DHTKD1: variants seen among roughly 807,000 people sequenced by gnomAD.
DHTKD1 encodes 2-oxoadipate dehydrogenase complex component E1.
A neutral mutation model predicts 101.8 loss-of-function variants in DHTKD1; 78 were observed. The ratio of observed to expected loss-of-function variants is 0.77; its 90% CI spans 0.64 to 0.93. DHTKD1 has a LOEUF of 0.93. Ranked by LOEUF, DHTKD1 falls within the 40% of genes least tolerant of loss-of-function variation. The pLI, the probability that DHTKD1 is intolerant of heterozygous loss-of-function variation, is 0.00. For missense variants in DHTKD1, 1,223 were observed against 1,161.7 expected (o/e 1.05, Z -0.77); for synonymous variants, 462 against 450.3 (o/e 1.03, Z -0.33).
At chr10:12,096,882 G>T (rs918668454) in intron 7 of DHTKD1, among the ~76,000 whole-genome samples, 2 of 152,122 alleles carry the variant, frequency 1.3e-5, no homozygotes, top group South Asian at 2.1e-4. Context: ...TAGATAAAGG[G>T]GGGTGCTGAT....
At position 12,079,788 on chromosome 10, in the gene DHTKD1, A is replaced by G. The variant is rs773680053; in HGVS notation, c.155-1684A>G. ...CTACTTCATATGACACTGATGGAGA[A>G]CTTGAATAAGGTTCAAAATAGAACC... On this transcript the variant is annotated intron_variant, in intron 1 of 16. Transcript: ENST00000263035. Among the ~76,000 whole-genome samples the G allele has an allele frequency of 4.4e-4, 67 of 152,234 alleles. 1 individual carries two copies. Among genetic ancestry groups the G allele is most frequent in the Admixed American group, 1.0e-3 (16 of 15,276 alleles).
chr10:12,112,968 T>C lies in DHTKD1; in HGVS notation c.2223T>C (p.Thr741=), dbSNP rs750180908. The change falls in exon 13 of 17, where the codon ACT becomes ACC. Residue 741 remains threonine, a synonymous_variant. Transcript: ENST00000263035. The stretch of plus-strand genomic sequence containing the variant: ...ACATGTTTGTGGTTCACCCAACAAC[T>C]CCTGCACAGTATTTCCACTTGCTTA... ...TVNMFVVHPT[T]PAQYFHLLRR... is the part of the protein sequence containing the mutation. 1.9e-6 allele frequency: 3 copies of C among 1,614,010 alleles called. No individual in the cohort carries two copies. Among genetic ancestry groups the C allele is most frequent in the Non-Finnish European group, 2.5e-6 (3 of 1,179,956 alleles).
chr10:12,109,168 A>G (rs1833290822), intron 12 of DHTKD1, among the ~76,000 whole-genome samples: 1 of 151,930 alleles, frequency 6.6e-6, no homozygotes, highest in African/African-American at 2.4e-5. Context: ...TAAATAAATA[A>G]ATAATAAATA....
At position 12,068,999 on chromosome 10, in the gene DHTKD1, C is replaced by T. The variant is rs759471973; in HGVS notation, c.-35C>T. ...GGGCCGGTGGGATCCCCTCGGGCTC[C>T]CGCCTTAGCATGCTGGCCGGGACAT... is the stretch of plus-strand genomic sequence containing the variant. On this transcript the variant is annotated 5_prime_UTR_variant, in exon 1 of 17. Transcript: ENST00000263035. The T allele has an allele frequency of 1.2e-6, 2 of 1,611,264 alleles. No homozygotes were observed. Among genetic ancestry groups the T allele is most frequent in the East Asian group, 2.2e-5 (1 of 44,766 alleles).
Position 12,087,009 on chromosome 10 carries a change from A to C in DHTKD1, c.523-526A>C, listed in dbSNP as rs72779624. 0.078 allele frequency among the ~76,000 whole-genome samples: 11,935 copies of C among 152,212 alleles called. 601 individuals are homozygous for C. The highest frequency in any genetic ancestry group is 0.12 in the Non-Finnish European group (7,893 of 67,990). ...GCCTGGTCTTACTTCTTAAGAACTA[A>C]AGATACTTAAGTTCAGAACTTAATC... On this transcript the variant is annotated intron_variant, in intron 3 of 16. Transcript: ENST00000263035. The surrounding 1 kb of genome is among the most constrained non-coding windows in gnomAD (Gnocchi z 5.2).
chr10:12,099,732 C>G lies in DHTKD1; in HGVS notation c.1672-446C>G, dbSNP rs1421383954. Among the ~76,000 whole-genome samples, 3 of 150,962 alleles carry G rather than the reference C, an allele frequency of 2.0e-5. No individual in the cohort carries two copies. In the East Asian group the frequency reaches 5.8e-4, roughly 29 times the overall value. ...AACTGTATATAATTGCTCTCCTTCTCTAATGTATCCTTTTGTACTCTGTTT... is the reference window on the plus strand; with the variant it reads ...AACTGTATATAATTGCTCTCCTTCTGTAATGTATCCTTTTGTACTCTGTTT... On this transcript the variant is annotated intron_variant, in intron 8 of 16. Coordinates refer to ENST00000263035, the MANE Select transcript of DHTKD1 (RefSeq NM_018706.7).
chr10:12,112,910 G>A lies in DHTKD1; in HGVS notation c.2165G>A (p.Ser722Asn), dbSNP rs771253010. The A allele has an allele frequency of 4.4e-6, 7 of 1,606,990 alleles. No individual in the cohort carries two copies. In the African/African-American group the frequency reaches 9.4e-5, roughly 22 times the overall value. The change falls in exon 13 of 17, where the codon AGT becomes AAT. Residue 722 changes from serine to asparagine, a missense_variant. Ser to Asn is a conservative substitution (Grantham distance 46). Transcript: ENST00000263035. Reference protein sequence around the residue: ...RIERFLQMCDSAEEGVDGDTV... With the variant: ...RIERFLQMCDNAEEGVDGDTV... ...CCACTTCTCTCCCAGATGTGTGACA[G>A]TGCGGAAGAGGGGGTGGACGGAGAC...
chr10:12,106,510 G>A (rs557720290), intron 11 of DHTKD1, 114 bp downstream of exon 11: 40 of 1,331,546 alleles, frequency 3.0e-5, no homozygotes, highest in Middle Eastern at 2.6e-4. Flanking sequence ...CGTGTGCGGC[G>A]GCGCCTCCAG....
chr10:12,097,909 C>T lies in DHTKD1; in HGVS notation c.1584C>T (p.Leu528=), dbSNP rs201643058. The T allele has an allele frequency of 5.0e-6, 8 of 1,614,216 alleles. No individual in the cohort carries two copies. The Admixed American group carries it at 5.0e-5, about 10-fold the overall frequency. The change falls in exon 8 of 17, where the codon CTC becomes CTT. Residue 528 remains leucine, a synonymous_variant. Transcript: ENST00000263035. ...CCACCTGGAGTACAGGTGTGCCCCTCGACCTCCTGCGGTTTGTTGGCATGA... is the reference window on the plus strand; with the variant it reads ...CCACCTGGAGTACAGGTGTGCCCCTTGACCTCCTGCGGTTTGTTGGCATGA... ...QITTWSTGVP[L]DLLRFVGMKS... is the part of the protein sequence containing the mutation.
In DHTKD1 at chr10:12,121,838, A is replaced by T. The variant is rs1055907637; in HGVS notation, c.*950A>T. ...GGAAAACTAGGTCATTATCTAGATGATTTCAGACTTGACCCTAATTGACCA... is the reference window on the plus strand; with the variant it reads ...GGAAAACTAGGTCATTATCTAGATGTTTTCAGACTTGACCCTAATTGACCA... On this transcript the variant is annotated 3_prime_UTR_variant, in exon 17 of 17. Transcript: ENST00000263035. 6.6e-6 allele frequency: 1 copy of T among 152,192 alleles called. No homozygotes were observed. Among genetic ancestry groups the T allele is most frequent in the Non-Finnish European group, 1.5e-5 (1 of 68,046 alleles). The allele number at this position is 152,192 out of a possible 1,614,324, so 9.4% of individuals were successfully genotyped here.
intron 7 of DHTKD1, among the ~76,000 whole-genome samples, chr10:12,097,173 A>G (rs1203899680): frequency 3.3e-5 from 5 of 152,276 alleles, no homozygotes; most frequent in Admixed American, 2.6e-4. Flanking sequence ...ACTCAGTGGC[A>G]TTTATTTACC....
At chr10:12,093,549 G>T (rs1564392843) in intron 6 of DHTKD1, among the ~76,000 whole-genome samples, 2 of 152,118 alleles carry the variant, frequency 1.3e-5, no homozygotes, top group Non-Finnish European at 2.9e-5. Context: ...AGTTTACAAG[G>T]CTGTTTGATG....
chr10:12,099,002 G>A (rs759584874), intron 8 of DHTKD1, among the ~76,000 whole-genome samples: 38 of 152,080 alleles, frequency 2.5e-4, no homozygotes, highest in Non-Finnish European at 4.3e-4. Flanking sequence ...GGACCTTATC[G>A]CTAGTAAAGA....
chr10:12,072,853 C>T (rs1336030113), intron 1 of DHTKD1, among the ~76,000 whole-genome samples: 1 of 151,968 alleles, frequency 6.6e-6, no homozygotes, highest in Non-Finnish European at 1.5e-5. Flanking sequence ...TCTCCTGCCT[C>T]AGCCTCCTGA....
At chr10:12,086,497 G>A (rs1832901111) in intron 3 of DHTKD1, among the ~76,000 whole-genome samples, 2 of 151,168 alleles carry the variant, frequency 1.3e-5, no homozygotes. Flanking sequence ...GGGATTACAG[G>A]CATGAGCCAC....
chr10:12,090,319 T>A (rs1259782582), intron 5 of DHTKD1, among the ~76,000 whole-genome samples: 1 of 152,194 alleles, frequency 6.6e-6, no homozygotes, highest in Non-Finnish European at 1.5e-5. Flanking sequence ...GTGAATAAAT[T>A]GGGAGTAGGC....
chr10:12,078,919 CCT>C (rs1013864364), intron 1 of DHTKD1, among the ~76,000 whole-genome samples: 1 of 152,056 alleles, frequency 6.6e-6, no homozygotes, highest in Non-Finnish European at 1.5e-5. Context: ...CTGGCCTCGG[CCT>C]CTAAGGGGAC....
In DHTKD1 at chr10:12,089,193, C is replaced by G. The variant is rs1372205304; in HGVS notation, c.925C>G (p.Gln309Glu). The G allele has an allele frequency of 6.2e-7, 1 of 1,614,166 alleles. No homozygotes were observed. Residue 309 changes from glutamine (Q) to glutamate (E), a missense_variant, in exon 5 of 17, where the codon CAA becomes GAA. By Grantham distance (29) the Gln-to-Glu change is conservative (BLOSUM62 2). Transcript: ENST00000263035. ...AACTCGCGGCAGGCAGCAGTCTCGC[C>G]AAGACGGCGATTACTCTCCAGACAA... ...GKTRGRQQSR[Q>E]DGDYSPDNSA...
At chr10:12,092,003 T>C (rs6602560) in intron 6 of DHTKD1, among the ~76,000 whole-genome samples, 108,987 of 146,290 alleles carry the variant, frequency 0.75, 41,144 homozygotes, top group South Asian at 0.87. Flanking sequence ...GATGGAGTCT[T>C]GCTCTGTTGC....
Sources: gnomAD v4.1 joint callset for allele counts (sites outside exome capture counted in the v4.1 genomes callset) on GRCh38, gnomAD v4.1.1 for gene constraint, Gnocchi (gnomAD v3.1) non-coding constraint, MANE v1.5 for transcripts, NCBI Gene and HGNC (gene_info 2026-07-23, HGNC 2026-07-21) for gene names.